Variants in EYS observed in about 807,000 individuals in gnomAD.
EYS encodes EGF-like photoreceptor maintenance factor.
A neutral mutation model predicts 282.1 loss-of-function variants in EYS; 250 were observed. The observed-to-expected ratio is 0.89, with a 90% CI of 0.80 to 0.98. EYS has a LOEUF of 0.98. EYS is among the 50% of genes least tolerant of loss of function. The pLI, the probability that EYS is intolerant of heterozygous loss-of-function variation, is 0.00. For synonymous variants in EYS, 1,355 were observed against 1,282.9 expected, an observed-to-expected ratio of 1.06 and a Z score of -1.20; for missense variants, 4,016 against 3,709.0, an observed-to-expected ratio of 1.08 and a Z score of -2.15.
intron 14 of EYS, among the ~76,000 whole-genome samples, chr6:64,951,172 C>G (rs981409415): frequency 1.3e-5 from 2 of 151,560 alleles, no homozygotes; most frequent in East Asian, 1.9e-4. Flanking sequence ...TGAAATTACA[C>G]AGAAGTAAAG....
At chr6:65,685,752 TATTTTCCTTTGTA>T (rs1224414366) in intron 1 of EYS, among the ~76,000 whole-genome samples, 1 of 152,078 alleles carries the variant, frequency 6.6e-6, no homozygotes, top group African/African-American at 2.4e-5. Flanking sequence ...CCAAATTTCA[TATTTTCCTTTGTA>T]ATCTATATCT....
chr6:64,317,882 C>A (rs1413452690), intron 29 of EYS, among the ~76,000 whole-genome samples: 1 of 151,968 alleles, frequency 6.6e-6, no homozygotes. Flanking sequence ...TTTGTAGGGA[C>A]ATGGATGAAG....
chr6:63,741,793 T>C (rs1769081535), intron 41 of EYS: 1 of 612,072 alleles, frequency 1.6e-6, no homozygotes, highest in African/African-American at 1.8e-5. Context: ...TGTCAACATT[T>C]CACCTAATTC....
intron 2 of EYS, among the ~76,000 whole-genome samples, chr6:65,621,107 A>T (rs142215590): frequency 6.6e-4 from 101 of 151,938 alleles, no homozygotes; most frequent in African/African-American, 2.2e-3. Context: ...CTGGGTATCC[A>T]TGTTGACTTT....
intron 26 of EYS, among the ~76,000 whole-genome samples, chr6:64,512,421 A>G (rs180924702): frequency 7.4e-4 from 112 of 152,126 alleles, no homozygotes; most frequent in African/African-American, 2.6e-3. Flanking sequence ...GGCTGAGGAA[A>G]GAGCACTTAT....
chr6:65,185,863 G>C (rs1039698953), intron 12 of EYS, among the ~76,000 whole-genome samples: 1 of 151,650 alleles, frequency 6.6e-6, no homozygotes, highest in East Asian at 1.9e-4. Flanking sequence ...TAGAAAATAA[G>C]AATTTAAAGT....
At chr6:64,545,307 A>T (rs1166612892) in intron 26 of EYS, among the ~76,000 whole-genome samples, 1 of 152,342 alleles carries the variant, frequency 6.6e-6, no homozygotes, top group African/African-American at 2.4e-5. Context: ...AAGGCCTTTG[A>T]CAAAATTCAA....
At chr6:64,602,457 C>T (rs1426363525) in intron 24 of EYS, among the ~76,000 whole-genome samples, 2 of 152,010 alleles carry the variant, frequency 1.3e-5, no homozygotes, top group African/African-American at 4.8e-5. Context: ...GAGTCATCAA[C>T]CTTACTCTGA....
intron 12 of EYS, among the ~76,000 whole-genome samples, chr6:65,199,877 C>G (rs142672152): frequency 6.6e-6 from 1 of 152,036 alleles, no homozygotes; most frequent in Non-Finnish European, 1.5e-5. Context: ...GAGGTTGAAA[C>G]AGGAAACGTC....
chr6:64,687,548 C>A (rs907778507), intron 22 of EYS, among the ~76,000 whole-genome samples: 5 of 152,126 alleles, frequency 3.3e-5, no homozygotes, highest in Non-Finnish European at 5.9e-5. Context: ...GTTGAACCAG[C>A]CTTACATCCC....
intron 22 of EYS, among the ~76,000 whole-genome samples, chr6:64,691,345 A>G (rs1291867353): frequency 1.3e-5 from 2 of 152,188 alleles, no homozygotes; most frequent in Non-Finnish European, 2.9e-5. Flanking sequence ...GCGTCTATAC[A>G]CAGAGAACAA....
At chr6:64,845,153 T>C (rs1029432989) in intron 19 of EYS, among the ~76,000 whole-genome samples, 2 of 152,100 alleles carry the variant, frequency 1.3e-5, no homozygotes, top group Non-Finnish European at 2.9e-5. Flanking sequence ...TAGACGATTA[T>C]GGTGGTATGC....
chr6:63,738,525 G>A (rs570461857), intron 41 of EYS, among the ~76,000 whole-genome samples: 5 of 147,152 alleles, frequency 3.4e-5, no homozygotes, highest in Admixed American at 2.8e-4. Flanking sequence ...CTCATAGGTG[G>A]GGATTGAACA....
At chr6:65,481,240 TAA>T (rs1221031325) in intron 5 of EYS, among the ~76,000 whole-genome samples, 2 of 152,042 alleles carry the variant, frequency 1.3e-5, no homozygotes, top group Non-Finnish European at 2.9e-5. Flanking sequence ...ATATAATTAT[TAA>T]GTGTCAACCA....
At chr6:65,397,870 T>G (rs1766346357) in intron 7 of EYS, among the ~76,000 whole-genome samples, 1 of 151,992 alleles carries the variant, frequency 6.6e-6, no homozygotes, top group African/African-American at 2.4e-5. Context: ...TATTTTTCTA[T>G]CAACAGTGTG....
intron 35 of EYS, among the ~76,000 whole-genome samples, chr6:63,950,906 G>A (rs1051386452): frequency 2.0e-5 from 3 of 152,022 alleles, no homozygotes; most frequent in Non-Finnish European, 4.4e-5. Flanking sequence ...CCAAAACTCC[G>A]GCGCCTGTCA....
At chr6:65,560,272 A>T (rs1011035414) in intron 2 of EYS, among the ~76,000 whole-genome samples, 2 of 144,696 alleles carry the variant, frequency 1.4e-5, no homozygotes, top group Non-Finnish European at 3.0e-5. Flanking sequence ...AATATATAAC[A>T]TATAACATAT....
At chr6:64,203,744 T>C (rs1285095638) in intron 31 of EYS, among the ~76,000 whole-genome samples, 1 of 152,160 alleles carries the variant, frequency 6.6e-6, no homozygotes, top group East Asian at 1.9e-4. Context: ...CCAATAACAA[T>C]AGTAAATATA....
At chr6:64,362,129 A>C (rs1772032217) in intron 29 of EYS, among the ~76,000 whole-genome samples, 1 of 151,786 alleles carries the variant, frequency 6.6e-6, no homozygotes, top group Non-Finnish European at 1.5e-5. Context: ...ATCTCCTCAT[A>C]ATTTTATAGA....
Sources: gnomAD v4.1 joint callset for allele counts (sites outside exome capture counted in the v4.1 genomes callset) on GRCh38, gnomAD v4.1.1 for gene constraint, MANE v1.5 for transcripts, NCBI Gene and HGNC (gene_info 2026-07-23, HGNC 2026-07-21) for gene names.